Variants in LOXL3 observed in about 807,000 individuals in gnomAD.
The protein encoded by LOXL3 is lysyl oxidase homolog 3.
Under a neutral mutation model 91.8 loss-of-function variants are expected in LOXL3, and 60 were observed. The ratio of observed to expected loss-of-function variants is 0.65; its 90% CI spans 0.53 to 0.81. The LOEUF (loss-of-function observed/expected upper bound fraction) is 0.81. Among genes scored for constraint, LOXL3 ranks in the 30% least tolerant of loss-of-function variants. The pLI is 0.00. For missense variants in LOXL3, 874 were observed against 1,000.4 expected (o/e 0.87, Z 1.70); for synonymous variants, 355 against 387.6 (o/e 0.92, Z 0.99).
At chr2:74,552,835 G>A (rs1250697393) in intron 1 of LOXL3, 189 bp from the exon 2 acceptor site, 18 of 585,510 alleles carry the variant, frequency 3.1e-5, no homozygotes, top group Non-Finnish European at 5.4e-5. Flanking sequence ...AAGGGCTGAG[G>A]CACAGGTCAT....
intron 4 of LOXL3, among the ~76,000 whole-genome samples, chr2:74,541,162 T>C (rs1426527526): frequency 6.6e-6 from 1 of 152,232 alleles, no homozygotes; most frequent in South Asian, 2.1e-4. Flanking sequence ...TTATGTAGCA[T>C]TTACATTATG....
chr2:74,532,366 G>T lies in LOXL3; in HGVS notation c.*1240C>A. On this transcript the variant is annotated 3_prime_UTR_variant, in exon 14 of 14. Coordinates refer to ENST00000264094, the MANE Select transcript of LOXL3 (RefSeq NM_032603.5). The stretch of plus-strand genomic sequence containing the variant: ...TTCTTTCCCCTTAAAGCTTCTCTTA[G>T]TATTCTAGAATGACATTAGTGCTAT... 1.9e-6 allele frequency: 1 copy of T among 520,144 alleles called. No homozygotes were observed. Among genetic ancestry groups the T allele is most frequent in the African/African-American group, 1.9e-5 (1 of 52,134 alleles). 32.2% of individuals were successfully genotyped at this position (520,144 alleles called of 1,614,324 possible).
rs752149505 is a variant in LOXL3 at position 74,535,997 on chromosome 2, C to T, written c.1247G>A (p.Arg416Lys). Residue 416 changes from arginine to lysine, a missense_variant and splice_region_variant, in exon 7 of 14, where the codon AGG (arginine) becomes AAG (lysine). By Grantham distance (26) the Arg-to-Lys change is conservative. Transcript: ENST00000264094. The surrounding 1 kb of genome is among the most constrained non-coding windows in gnomAD (Gnocchi z 4.2). ...CNLPYTGAET[R>K]IRLSGGRSQH... The stretch of plus-strand genomic sequence containing the variant: ...ACCAAGGTAGAGAGGATGACTGACC[C>T]TGGTCTCTGCCCCAGTGTAAGGTAG... 1 of 1,568,688 alleles carries T rather than the reference C, an allele frequency of 6.4e-7. No individual in the cohort carries two copies. Among genetic ancestry groups the T allele is most frequent in the Non-Finnish European group, 8.6e-7 (1 of 1,159,798 alleles).
chr2:74,533,631 C>T lies in LOXL3; in HGVS notation c.2237G>A (p.Gly746Asp), dbSNP rs1675788806. Residue 746 changes from glycine (G) to aspartate (D), a missense_variant, in exon 14 of 14, where the codon GGC (glycine) becomes GAC (aspartate). Physicochemically the swap from Gly to Asp is moderately conservative, Grantham distance 94 (BLOSUM62 -1). Coordinates refer to ENST00000264094, the MANE Select transcript of LOXL3 (RefSeq NM_032603.5). ...EANRRFERYPGQTSNQII is the reference protein window; with the variant it reads ...EANRRFERYPDQTSNQII ...TTAGATAATCTGGTTGCTGGTCTGG[C>T]CAGGGTAGCGTTCAAACCTCCTGTT... 2 of 1,613,994 alleles carry T rather than the reference C, an allele frequency of 1.2e-6. No individual in the cohort carries two copies. Among genetic ancestry groups the T allele is most frequent in the Non-Finnish European group, 1.7e-6 (2 of 1,180,002 alleles).
chr2:74,551,517 C>T (rs7569357), intron 2 of LOXL3, among the ~76,000 whole-genome samples: 13,353 of 152,300 alleles, frequency 0.088, 1,227 homozygotes, highest in African/African-American at 0.23. Flanking sequence ...AACCATTACG[C>T]CATTGCTATG....
upstream of LOXL3, chr2:74,554,692 C>CCCCGCCT (rs1322993719): frequency 1.9e-6 from 3 of 1,546,198 alleles, no homozygotes; most frequent in Non-Finnish European, 2.6e-6. The surrounding 1 kb of genome is among the most constrained non-coding windows in gnomAD (Gnocchi z 4.9). Context: ...GGGAACCCGG[C>CCCCGCCT]CCCGCCTCCC....
At chr2:74,544,116 G>A (rs1209987829) in intron 4 of LOXL3, among the ~76,000 whole-genome samples, 1 of 151,656 alleles carries the variant, frequency 6.6e-6, no homozygotes, top group African/African-American at 2.4e-5. Flanking sequence ...CCAGCCTGGC[G>A]AGCATGGTGA....
chr2:74,543,054 G>A (rs1676410769), intron 4 of LOXL3, among the ~76,000 whole-genome samples: 1 of 152,112 alleles, frequency 6.6e-6, no homozygotes. Context: ...ACATCTGACT[G>A]TCCTCTCTTT....
In LOXL3 at chr2:74,549,864, G is replaced by A. The variant is rs1676887189; in HGVS notation, c.478-281C>T. 1.0e-6 allele frequency: 1 copy of A among 985,322 alleles called. No homozygotes were observed. Among genetic ancestry groups the A allele is most frequent in the African/African-American group, 1.7e-5 (1 of 57,244 alleles). 61.0% of individuals were successfully genotyped at this position (985,322 alleles called of 1,614,324 possible). ...GGAGGGAGCACTTCAAAAAGGAAAT[G>A]GCTTTGAAGGAGGAGAAAGTCAGAA... On this transcript the variant is annotated intron_variant, in intron 3 of 13. Transcript: ENST00000264094. This position sits in a 1 kb window ranked among gnomAD's most constrained non-coding sequence, Gnocchi z 5.3.
upstream of LOXL3, chr2:74,554,861 T>A: frequency 6.2e-7 from 1 of 1,609,480 alleles, no homozygotes; most frequent in Non-Finnish European, 8.5e-7. The surrounding 1 kb of genome is among the most constrained non-coding windows in gnomAD (Gnocchi z 4.9). Flanking sequence ...TAGTAGTGGG[T>A]GAGAGAGCCC....
intron 4 of LOXL3, among the ~76,000 whole-genome samples, chr2:74,541,668 C>T (rs1356656732): frequency 6.6e-6 from 1 of 152,092 alleles, no homozygotes. Flanking sequence ...TCACCTTGAT[C>T]TCCAGAGTAG....
chr2:74,548,553 T>C (rs1361316343), intron 4 of LOXL3, among the ~76,000 whole-genome samples: 1 of 152,078 alleles, frequency 6.6e-6, no homozygotes, highest in Non-Finnish European at 1.5e-5. Flanking sequence ...GCAATACTGA[T>C]CTAGGGAACC....
At position 74,532,821 on chromosome 2, in the gene LOXL3, G is replaced by A; in HGVS notation, c.*785C>T. On this transcript the variant is annotated 3_prime_UTR_variant, in exon 14 of 14. Coordinates refer to ENST00000264094, the MANE Select transcript of LOXL3 (RefSeq NM_032603.5). ...CTCTCTGTCCATTTTTCTCTATAGGGCTGGTCTGCGGCCTGGTGATGTGAT... is the reference window on the plus strand; with the variant it reads ...CTCTCTGTCCATTTTTCTCTATAGGACTGGTCTGCGGCCTGGTGATGTGAT... 1 of 1,614,056 alleles carries A rather than the reference G, an allele frequency of 6.2e-7. No homozygotes were observed. The highest frequency in any genetic ancestry group is 8.5e-7 in the Non-Finnish European group (1 of 1,180,030).
intron 2 of LOXL3, among the ~76,000 whole-genome samples, chr2:74,550,812 G>A (rs1253738273): frequency 1.3e-5 from 2 of 152,116 alleles, no homozygotes; most frequent in African/African-American, 4.8e-5. Context: ...GGGCTTAGGA[G>A]TTTGATCTAT....
chr2:74,549,619 G>A lies in LOXL3; in HGVS notation c.478-36C>T. 6.3e-7 allele frequency: 1 copy of A among 1,581,924 alleles called. No individual in the cohort carries two copies. Among genetic ancestry groups the A allele is most frequent in the Non-Finnish European group, 8.6e-7 (1 of 1,158,870 alleles). On this transcript the variant is annotated intron_variant, in intron 3 of 13. Transcript: ENST00000264094. This position sits in a 1 kb window ranked among gnomAD's most constrained non-coding sequence, Gnocchi z 5.3. ...GGCCACAAGCAGGGAAAGAATCCCA[G>A]TGGCACCTTTCATGTGTCCCGCCGC...
At chr2:74,534,062 C>T in intron 12 of LOXL3, 38 bp downstream of exon 12, 1 of 1,612,786 alleles carries the variant, frequency 6.2e-7, no homozygotes, top group East Asian at 2.2e-5. Flanking sequence ...TTAACGCTCC[C>T]CCCACTCACC....
intron 9 of LOXL3, 101 bp from the exon 10 acceptor site, chr2:74,534,875 G>A: frequency 7.4e-7 from 1 of 1,343,530 alleles, no homozygotes; most frequent in Non-Finnish European, 1.0e-6. Context: ...TTTTGTTTTT[G>A]TTTTTGTTTG....
In LOXL3 at chr2:74,549,876, G is replaced by A. The variant is rs1676888442; in HGVS notation, c.478-293C>T. On this transcript the variant is annotated intron_variant, in intron 3 of 13. Transcript: ENST00000264094. This position sits in a 1 kb window ranked among gnomAD's most constrained non-coding sequence, Gnocchi z 5.3. ...TCAAAAAGGAAATGGCTTTGAAGGA[G>A]GAGAAAGTCAGAAGGAAGATGTCTC... The A allele has an allele frequency of 2.1e-5, 21 of 985,354 alleles. No individual in the cohort carries two copies. The highest frequency in any genetic ancestry group is 2.3e-5 in the Non-Finnish European group (19 of 829,950). 61.0% of individuals were successfully genotyped at this position (985,354 alleles called of 1,614,324 possible).
Position 74,532,472 on chromosome 2 carries a change from CAG to C in LOXL3, c.*1132_*1133del, listed in dbSNP as rs1263698060. 2 of 704,364 alleles carry C rather than the reference CAG, an allele frequency of 2.8e-6. No individual in the cohort carries two copies. The highest frequency in any genetic ancestry group is 5.1e-6 in the Non-Finnish European group (2 of 388,792). The allele number at this position is 704,364 out of a possible 1,614,324, so 43.6% of individuals were successfully genotyped here. On this transcript the variant is annotated 3_prime_UTR_variant, in exon 14 of 14. Transcript: ENST00000264094. ...CATGTTGCACTTTATTGCTAGAAGACAGAAAGTGAGTTGCCATTGTATTTTGT... is the reference window on the plus strand; with the variant it reads ...CATGTTGCACTTTATTGCTAGAAGACAAAGTGAGTTGCCATTGTATTTTGT...
Sources: allele counts gnomAD v4.1 joint callset (sites outside exome capture counted in the v4.1 genomes callset), GRCh38; gene constraint gnomAD v4.1.1; non-coding constraint Gnocchi (gnomAD v3.1); transcripts MANE v1.5; gene names NCBI Gene and HGNC (gene_info 2026-07-23, HGNC 2026-07-21).